Variants in CAP2 observed in about 807,000 individuals in gnomAD.
CAP2 encodes cyclase associated actin cytoskeleton regulatory protein 2.
In CAP2, 24 loss-of-function variants were observed where a neutral mutation model predicts 57.7. The ratio of observed to expected loss-of-function variants is 0.42; its 90% CI spans 0.30 to 0.58. CAP2 has a LOEUF of 0.58. Ranked by LOEUF, CAP2 falls within the 20% of genes least tolerant of loss-of-function variation. CAP2 has a pLI of 0.22. For missense variants in CAP2, 501 were observed against 590.3 expected, an observed-to-expected ratio of 0.85 and a Z score of 1.57; for synonymous variants, 194 against 207.2, an observed-to-expected ratio of 0.94 and a Z score of 0.55.
At chr6:17,456,344 C>A (rs1020027192) in intron 3 of CAP2, among the ~76,000 whole-genome samples, 1 of 152,150 alleles carries the variant, frequency 6.6e-6, no homozygotes. Context: ...TGCTTATGTT[C>A]ATGTTTACAA....
intron 4 of CAP2, among the ~76,000 whole-genome samples, chr6:17,466,489 T>C (rs1760867978): frequency 6.6e-6 from 1 of 152,348 alleles, no homozygotes; most frequent in South Asian, 2.1e-4. Context: ...ACTGTTACAA[T>C]TGAAGCTCAG....
chr6:17,540,096 T>C (rs1338493610), intron 8 of CAP2, among the ~76,000 whole-genome samples: 1 of 151,934 alleles, frequency 6.6e-6, no homozygotes, highest in Non-Finnish European at 1.5e-5. Context: ...TAAATAAAAG[T>C]GGCAAACATT....
At chr6:17,521,836 C>T (rs570744493) in intron 7 of CAP2, among the ~76,000 whole-genome samples, 7 of 152,156 alleles carry the variant, frequency 4.6e-5, no homozygotes, top group South Asian at 2.1e-4. Context: ...TGATTGGGCG[C>T]GGTACCTCAA....
chr6:17,414,398 TC>T (rs1323667446), intron 1 of CAP2, among the ~76,000 whole-genome samples: 1 of 152,144 alleles, frequency 6.6e-6, no homozygotes, highest in Non-Finnish European at 1.5e-5. Flanking sequence ...TCCAAGTTCC[TC>T]CCCTCAGTCC....
At chr6:17,547,701 C>T (rs552982150) in intron 11 of CAP2, among the ~76,000 whole-genome samples, 11 of 152,004 alleles carry the variant, frequency 7.2e-5, no homozygotes, top group South Asian at 2.1e-4. Flanking sequence ...ATAAACCAGG[C>T]GTGGTGGCGG....
intron 3 of CAP2, among the ~76,000 whole-genome samples, chr6:17,429,791 A>G (rs1474938001): frequency 1.3e-5 from 2 of 152,238 alleles, no homozygotes; most frequent in Non-Finnish European, 2.9e-5. Flanking sequence ...CCAGCTCTAC[A>G]ACACAAAGAA....
At chr6:17,535,915 C>G (rs1762761603) in intron 7 of CAP2, among the ~76,000 whole-genome samples, 1 of 152,038 alleles carries the variant, frequency 6.6e-6, no homozygotes, top group South Asian at 2.1e-4. Context: ...GTGACACAGC[C>G]TAGTCGTCTT....
intron 7 of CAP2, among the ~76,000 whole-genome samples, chr6:17,522,531 C>T (rs1762416605): frequency 6.6e-6 from 1 of 152,198 alleles, no homozygotes; most frequent in Admixed American, 6.5e-5. Context: ...AGGGCTGACA[C>T]TTGATTTGGA....
intron 4 of CAP2, among the ~76,000 whole-genome samples, chr6:17,491,210 A>G (rs1415143446): frequency 1.3e-5 from 2 of 151,534 alleles, no homozygotes; most frequent in African/African-American, 2.4e-5. Context: ...TCTGTTCTCC[A>G]CCTTTTCCAG....
At chr6:17,474,602 A>T (rs778376022) in intron 4 of CAP2, among the ~76,000 whole-genome samples, 1 of 152,222 alleles carries the variant, frequency 6.6e-6, no homozygotes, top group Non-Finnish European at 1.5e-5. Flanking sequence ...GTATGAGAAC[A>T]TACTTTGGAA....
intron 1 of CAP2, among the ~76,000 whole-genome samples, chr6:17,406,425 A>ACT (rs1368685459): frequency 6.0e-5 from 4 of 66,726 alleles, no homozygotes; most frequent in African/African-American, 4.3e-4. Flanking sequence ...AGGCAGTCTC[A>ACT]CTCTGTCGCC....
Position 17,541,110 on chromosome 6 carries a change from G to A in CAP2, c.964G>A (p.Ala322Thr), listed in dbSNP as rs1297703516. Residue 322 changes from alanine (A) to threonine (T), a missense_variant, in exon 9 of 13, where the codon GCC becomes ACC. Physicochemically the swap from Ala to Thr is moderately conservative, Grantham distance 58. Coordinates refer to ENST00000229922, the MANE Select transcript of CAP2 (RefSeq NM_006366.3). ...SPKSYPSQKH[A>T]PVLELEGKKW... ...TAAATCTTATCCTTCTCAAAAACAT[G>A]CCCCAGTGTTGGAGTTGGAAGGAAA... 1 of 1,613,764 alleles carries A rather than the reference G, an allele frequency of 6.2e-7. No individual in the cohort carries two copies. The highest frequency in any genetic ancestry group is 8.5e-7 in the Non-Finnish European group (1 of 1,179,840).
intron 4 of CAP2, among the ~76,000 whole-genome samples, chr6:17,506,606 C>T (rs538867651): frequency 6.6e-6 from 1 of 151,446 alleles, no homozygotes; most frequent in Admixed American, 6.6e-5. Context: ...CGCCACTGCA[C>T]TCCAGCCTGG....
intron 7 of CAP2, among the ~76,000 whole-genome samples, chr6:17,532,766 A>C (rs1164679507): frequency 1.4e-4 from 21 of 149,722 alleles, no homozygotes; most frequent in African/African-American, 3.9e-4. Flanking sequence ...CACACACAAA[A>C]AAAACTGGAA....
chr6:17,553,663 T>G (rs1485821970), intron 12 of CAP2, among the ~76,000 whole-genome samples: 3 of 151,392 alleles, frequency 2.0e-5, no homozygotes, highest in Non-Finnish European at 4.4e-5. Context: ...ATCTTGCCTC[T>G]TACAGGTCAA....
intron 3 of CAP2, 60 bp from the exon 4 acceptor site, chr6:17,462,936 A>G (rs1760764140): frequency 1.5e-6 from 2 of 1,333,684 alleles, no homozygotes; most frequent in African/African-American, 2.9e-5. Context: ...TTGCCAGATT[A>G]TATGGTAACA....
chr6:17,453,564 G>GT (rs1465275540), intron 3 of CAP2, among the ~76,000 whole-genome samples: 1 of 152,164 alleles, frequency 6.6e-6, no homozygotes, highest in African/African-American at 2.4e-5. Flanking sequence ...GTTAATACAT[G>GT]TAAGTTGTCT....
intron 7 of CAP2, among the ~76,000 whole-genome samples, chr6:17,524,948 C>T (rs1399094682): frequency 2.9e-5 from 4 of 138,348 alleles, no homozygotes. Context: ...GGCTGGAGTT[C>T]AGTGGTGGCA....
chr6:17,412,652 G>A (rs1056109912), intron 1 of CAP2, among the ~76,000 whole-genome samples: 2 of 152,224 alleles, frequency 1.3e-5, no homozygotes, highest in African/African-American at 4.8e-5. Context: ...TACCTCCAGA[G>A]TGGAGGGGGC....
Sources: allele counts gnomAD v4.1 joint callset (sites outside exome capture counted in the v4.1 genomes callset), GRCh38; gene constraint gnomAD v4.1.1; transcripts MANE v1.5; gene names NCBI Gene and HGNC (gene_info 2026-07-23, HGNC 2026-07-21).